NELL1: variants seen among roughly 807,000 people sequenced by gnomAD.
The protein encoded by NELL1 is neural EGFL like 1, also known as protein kinase C-binding protein NELL1.
In NELL1, 76 loss-of-function variants were observed where a neutral mutation model predicts 107.4. The observed-to-expected ratio is 0.71, with a 90% CI of 0.59 to 0.86. NELL1 has a LOEUF of 0.86. NELL1 is among the 40% of genes least tolerant of loss of function. The pLI, the probability that NELL1 is intolerant of heterozygous loss-of-function variation, is 0.00. For missense variants in NELL1, 1,024 were observed against 1,005.5 expected, an observed-to-expected ratio of 1.02 and a Z score of -0.25; for synonymous variants, 353 against 341.2, an observed-to-expected ratio of 1.03 and a Z score of -0.38.
chr11:20,852,458 T>C (rs142065655), intron 4 of NELL1, among the ~76,000 whole-genome samples: 1 of 152,334 alleles, frequency 6.6e-6, no homozygotes, highest in East Asian at 1.9e-4. Flanking sequence ...TCTGTTTATA[T>C]GTGTAGACTT....
intron 4 of NELL1, among the ~76,000 whole-genome samples, chr11:20,856,312 A>C (rs961836951): frequency 1.3e-5 from 2 of 152,136 alleles, no homozygotes; most frequent in East Asian, 3.9e-4. Context: ...GAGGGTTTTC[A>C]TTGGCAATTA....
In NELL1 at chr11:21,423,527, A is replaced by G. The variant is rs570696830; in HGVS notation, c.1645+52579A>G. On this transcript the variant is annotated intron_variant, in intron 15 of 19. Transcript: ENST00000357134. The stretch of plus-strand genomic sequence containing the variant: ...AGAAGAAATAGGTATTTCTAAAATC[A>G]TGATTGGAGACTTTCATACCCCACT... Among the ~76,000 whole-genome samples, 41 of 152,296 alleles carry G rather than the reference A, an allele frequency of 2.7e-4. No homozygotes were observed. In the South Asian group the frequency reaches 6.6e-3, roughly 25 times the overall value.
chr11:20,962,905 T>C (rs1181638218), intron 12 of NELL1, among the ~76,000 whole-genome samples: 1 of 152,126 alleles, frequency 6.6e-6, no homozygotes, highest in Non-Finnish European at 1.5e-5. Context: ...TAAGGAGAAA[T>C]GGCTAAACAT....
chr11:21,258,797 T>C (rs1858834597), intron 14 of NELL1, among the ~76,000 whole-genome samples: 1 of 151,996 alleles, frequency 6.6e-6, no homozygotes, highest in Admixed American at 6.6e-5. Context: ...ACTTTATGAA[T>C]CCATTTTTAT....
At chr11:20,839,262 T>G (rs1848582176) in intron 3 of NELL1, among the ~76,000 whole-genome samples, 1 of 152,210 alleles carries the variant, frequency 6.6e-6, no homozygotes, top group Admixed American at 6.5e-5. Context: ...AATTTTACAT[T>G]TCATTTAACA....
chr11:21,445,294 TG>T (rs1432570191), intron 15 of NELL1, among the ~76,000 whole-genome samples: 2 of 151,760 alleles, frequency 1.3e-5, no homozygotes, highest in African/African-American at 4.8e-5. Context: ...TGTTTTGTTT[TG>T]TTTTTTGTTT....
At chr11:21,314,486 A>T (rs1280895095) in intron 14 of NELL1, among the ~76,000 whole-genome samples, 2 of 152,162 alleles carry the variant, frequency 1.3e-5, no homozygotes, top group African/African-American at 4.8e-5. Flanking sequence ...CTTTAGCATA[A>T]CATCTGAGAC....
chr11:21,562,957 G>T (rs2134004328), intron 17 of NELL1, among the ~76,000 whole-genome samples: 1 of 152,166 alleles, frequency 6.6e-6, no homozygotes, highest in East Asian at 1.9e-4. Flanking sequence ...GTTCAATGAT[G>T]AAGCTAGGCT....
chr11:21,326,380 G>T (rs1432778534), intron 14 of NELL1, among the ~76,000 whole-genome samples: 1 of 151,294 alleles, frequency 6.6e-6, no homozygotes, highest in Non-Finnish European at 1.5e-5. Flanking sequence ...TAGGATTTTT[G>T]TTCATGTTTA....
At chr11:21,044,384 T>G (rs1853307005) in intron 12 of NELL1, among the ~76,000 whole-genome samples, 1 of 151,652 alleles carries the variant, frequency 6.6e-6, no homozygotes, top group South Asian at 2.1e-4. Flanking sequence ...AAAGGAAGAG[T>G]GAATTAAAAG....
At chr11:20,879,548 G>A (rs1849369205) in intron 4 of NELL1, among the ~76,000 whole-genome samples, 2 of 152,044 alleles carry the variant, frequency 1.3e-5, no homozygotes, top group East Asian at 1.9e-4. Flanking sequence ...GTGTGCTGCC[G>A]TATTTTACTC....
intron 3 of NELL1, among the ~76,000 whole-genome samples, chr11:20,821,928 G>A (rs1357571518): frequency 3.3e-5 from 5 of 152,194 alleles, no homozygotes; most frequent in Admixed American, 2.0e-4. Context: ...TTAGCTGAGG[G>A]CCTCTCTCTA....
chr11:20,717,861 C>G (rs538967920), intron 2 of NELL1, among the ~76,000 whole-genome samples: 1 of 152,152 alleles, frequency 6.6e-6, no homozygotes, highest in Non-Finnish European at 1.5e-5. Context: ...CAGTACCCAG[C>G]ACAATGTGTG....
At chr11:20,939,364 G>A (rs12282994) in intron 10 of NELL1, among the ~76,000 whole-genome samples, 5,584 of 151,438 alleles carry the variant, frequency 0.037, 260 homozygotes, top group East Asian at 0.14. Context: ...GCCAGACCAG[G>A]CTTGATACTA....
intron 13 of NELL1, among the ~76,000 whole-genome samples, chr11:21,149,924 T>C (rs754834563): frequency 1.3e-5 from 2 of 152,128 alleles, no homozygotes; most frequent in Non-Finnish European, 2.9e-5. Flanking sequence ...AGAGTGAAGC[T>C]GTAAATAACT....
chr11:21,271,688 C>A (rs919926221), intron 14 of NELL1, among the ~76,000 whole-genome samples: 4 of 152,088 alleles, frequency 2.6e-5, no homozygotes, highest in Admixed American at 6.5e-5. Context: ...AAACTATAGC[C>A]TGGTATTTCT....
At chr11:21,406,993 G>A (rs1852252572) in intron 15 of NELL1, among the ~76,000 whole-genome samples, 1 of 151,994 alleles carries the variant, frequency 6.6e-6, no homozygotes, top group African/African-American at 2.4e-5. Context: ...CCTAGCCTCT[G>A]AAAACTACTT....
At chr11:21,259,485 G>A (rs1409177795) in intron 14 of NELL1, among the ~76,000 whole-genome samples, 1 of 151,854 alleles carries the variant, frequency 6.6e-6, no homozygotes, top group Non-Finnish European at 1.5e-5. Flanking sequence ...TTGGAGAACA[G>A]GATATCATGT....
intron 15 of NELL1, among the ~76,000 whole-genome samples, chr11:21,506,726 G>A (rs1172749662): frequency 2.0e-5 from 3 of 152,108 alleles, no homozygotes; most frequent in Non-Finnish European, 4.4e-5. Flanking sequence ...AGAGCTATTA[G>A]GCCCACTCTA....
Sources: allele counts gnomAD v4.1 joint callset (sites outside exome capture counted in the v4.1 genomes callset), GRCh38; gene constraint gnomAD v4.1.1; transcripts MANE v1.5; gene names NCBI Gene and HGNC (gene_info 2026-07-23, HGNC 2026-07-21).